The following DGKB variants were observed in gnomAD, a reference collection of about 807,000 sequenced individuals.
The protein encoded by DGKB is 90 kDa diacylglycerol kinase.
In DGKB, 67 loss-of-function variants were observed where a neutral mutation model predicts 114.3. The ratio of observed to expected loss-of-function variants is 0.59; its 90% CI spans 0.48 to 0.72. DGKB has a LOEUF of 0.72. DGKB is among the 30% of genes least tolerant of loss of function. The pLI, the probability that DGKB is intolerant of heterozygous loss-of-function variation, is 0.00. For synonymous variants in DGKB, 398 were observed against 323.1 expected, an observed-to-expected ratio of 1.23 and a Z score of -2.49; for missense variants, 907 against 975.2, an observed-to-expected ratio of 0.93 and a Z score of 0.93.
chr7:14,532,925 C>T (rs755391825), intron 20 of DGKB, among the ~76,000 whole-genome samples: 1 of 151,686 alleles, frequency 6.6e-6, no homozygotes, highest in Non-Finnish European at 1.5e-5. Context: ...AGTCTGTAAA[C>T]TATTCTGCAA....
chr7:14,565,148 A>G (rs550128588), intron 20 of DGKB, among the ~76,000 whole-genome samples: 48 of 152,218 alleles, frequency 3.2e-4, no homozygotes, highest in African/African-American at 1.1e-3. Context: ...GGTTTGCATC[A>G]AGAGGTTTGC....
chr7:14,964,160 T>C (rs1322919000), intron 1 of DGKB, among the ~76,000 whole-genome samples: 3 of 152,108 alleles, frequency 2.0e-5, no homozygotes, highest in Non-Finnish European at 2.9e-5. Flanking sequence ...AGTCACATAA[T>C]ATGTGCTAAG....
intron 6 of DGKB, among the ~76,000 whole-genome samples, chr7:14,711,291 A>G (rs1230816171): frequency 1.3e-5 from 2 of 152,140 alleles, no homozygotes; most frequent in East Asian, 3.8e-4. Context: ...TAAAAATATC[A>G]TACATATATT....
At chr7:14,309,555 G>A (rs1336488989) in intron 23 of DGKB, among the ~76,000 whole-genome samples, 1 of 152,122 alleles carries the variant, frequency 6.6e-6, no homozygotes, top group Non-Finnish European at 1.5e-5. Context: ...TGAATATCTG[G>A]AGCAATGCAA....
intron 5 of DGKB, among the ~76,000 whole-genome samples, chr7:14,730,612 T>C (rs1405104655): frequency 6.6e-6 from 1 of 152,150 alleles, no homozygotes; most frequent in Admixed American, 6.5e-5. Context: ...AATAGGGCTG[T>C]AGGCAGATGC....
chr7:14,838,736 T>C (rs954544683), intron 2 of DGKB, among the ~76,000 whole-genome samples: 9 of 152,186 alleles, frequency 5.9e-5, no homozygotes, highest in Non-Finnish European at 1.0e-4. Flanking sequence ...TTCTCAGTCG[T>C]CAAAGTAAAC....
At chr7:14,829,180 A>C (rs964417358) in intron 2 of DGKB, among the ~76,000 whole-genome samples, 24 of 152,150 alleles carry the variant, frequency 1.6e-4, no homozygotes, top group African/African-American at 5.5e-4. Context: ...CATTCTCCTC[A>C]AAAAGGCGCC....
chr7:14,199,651 G>A (rs1785536032), intron 23 of DGKB, among the ~76,000 whole-genome samples: 1 of 152,040 alleles, frequency 6.6e-6, no homozygotes, highest in South Asian at 2.1e-4. Context: ...AAAAAGTTCA[G>A]TGGGATTCAA....
At chr7:14,274,719 C>T (rs547144771) in intron 23 of DGKB, among the ~76,000 whole-genome samples, 4 of 152,018 alleles carry the variant, frequency 2.6e-5, no homozygotes, top group African/African-American at 7.2e-5. Context: ...TGTTGGTTTG[C>T]GTACACTTTC....
intron 23 of DGKB, among the ~76,000 whole-genome samples, chr7:14,184,596 C>T (rs1036162584): frequency 3.3e-5 from 5 of 151,972 alleles, no homozygotes; most frequent in African/African-American, 1.2e-4. Flanking sequence ...AAATCTCATC[C>T]CCATCCCCCA....
intron 21 of DGKB, among the ~76,000 whole-genome samples, chr7:14,355,402 T>A (rs1189957258): frequency 6.6e-6 from 1 of 152,220 alleles, no homozygotes; most frequent in Non-Finnish European, 1.5e-5. Flanking sequence ...CAGTATGATA[T>A]TGGCTGTGGA....
chr7:14,762,144 TC>T (rs1253025523), intron 2 of DGKB, among the ~76,000 whole-genome samples: 4 of 152,134 alleles, frequency 2.6e-5, no homozygotes, highest in Non-Finnish European at 4.4e-5. Flanking sequence ...TTCATCACTG[TC>T]AGAATCAACT....
intron 1 of DGKB, among the ~76,000 whole-genome samples, chr7:14,855,432 T>A (rs1409206570): frequency 1.3e-5 from 2 of 152,122 alleles, no homozygotes; most frequent in Non-Finnish European, 2.9e-5. Flanking sequence ...AGAAAAAAGA[T>A]CTAGAACTGA....
chr7:14,669,512 G>T (rs921465925), intron 13 of DGKB, among the ~76,000 whole-genome samples: 1 of 152,244 alleles, frequency 6.6e-6, no homozygotes, highest in African/African-American at 2.4e-5. Flanking sequence ...TGTCTCTTCA[G>T]TGAACATCTT....
At chr7:14,291,142 CAAAAAA>C (rs373171858) in intron 23 of DGKB, among the ~76,000 whole-genome samples, 4 of 86,338 alleles carry the variant, frequency 4.6e-5, no homozygotes, top group African/African-American at 1.5e-4. Flanking sequence ...AACTCCGTCT[CAAAAAA>C]AAAAAAAAAA....
At chr7:14,347,156 T>A (rs573231301) in intron 21 of DGKB, among the ~76,000 whole-genome samples, 1 of 152,072 alleles carries the variant, frequency 6.6e-6, no homozygotes, top group East Asian at 1.9e-4. Flanking sequence ...CCTGGACATG[T>A]GAGGCCCACT....
intron 20 of DGKB, among the ~76,000 whole-genome samples, chr7:14,562,506 G>C (rs1338389529): frequency 1.3e-5 from 2 of 152,196 alleles, no homozygotes; most frequent in African/African-American, 4.8e-5. Context: ...GCAGCCAGGA[G>C]GGAAGATGTA....
chr7:14,747,089 G>C (rs1525096), intron 4 of DGKB, among the ~76,000 whole-genome samples: 54,096 of 151,556 alleles, frequency 0.36, 13,332 homozygotes, highest in African/African-American at 0.69. Flanking sequence ...ATGTAAGCTT[G>C]TTTCTCAAAC....
At chr7:14,717,662 A>T (rs1041340157) in intron 6 of DGKB, among the ~76,000 whole-genome samples, 6 of 152,112 alleles carry the variant, frequency 3.9e-5, no homozygotes, top group Non-Finnish European at 8.8e-5. Context: ...AGACGTCATG[A>T]TTATTTACAT....
Sources: gnomAD v4.1 joint callset for allele counts (sites outside exome capture counted in the v4.1 genomes callset) on GRCh38, gnomAD v4.1.1 for gene constraint, MANE v1.5 for transcripts, NCBI Gene and HGNC (gene_info 2026-07-23, HGNC 2026-07-21) for gene names.